Variants in TSPAN1 observed in about 807,000 individuals in gnomAD.
TSPAN1 encodes the protein tetraspanin 1.
TSPAN1 carries 23 observed loss-of-function variants against 26.9 expected under a neutral mutation model. The observed-to-expected ratio is 0.85, with a 90% confidence interval of 0.62 to 1.21. TSPAN1 has a LOEUF of 1.21. Among genes scored for constraint, TSPAN1 ranks in the 50% most tolerant of loss-of-function variants. The pLI is 0.00. For synonymous variants in TSPAN1, 115 were observed against 114.8 expected, an observed-to-expected ratio of 1.00 and a Z score of -0.01; for missense variants, 283 against 298.4, an observed-to-expected ratio of 0.95 and a Z score of 0.38.
At chr1:46,178,654 G>A (rs1657242863) in intron 1 of TSPAN1, among the ~76,000 whole-genome samples, 1 of 152,148 alleles carries the variant, frequency 6.6e-6, no homozygotes, top group South Asian at 2.1e-4. Context: ...TCAGACCAAG[G>A]CCTCTTCCCT....
rs1379275133 is a variant in TSPAN1 at position 46,185,609 on chromosome 1, G to C, written c.*76G>C. 3 of 1,524,822 alleles carry C rather than the reference G, an allele frequency of 2.0e-6. No homozygotes were observed. Among genetic ancestry groups the C allele is most frequent in the African/African-American group, 1.4e-5 (1 of 73,220 alleles). 94.5% of individuals were successfully genotyped at this position (1,524,822 alleles called of 1,614,324 possible). ...GCACCCTGGCAAGCAGCAGTGATTG[G>C]GGGAGGGGACAGGATCTAACAATGT... On this transcript the variant is annotated 3_prime_UTR_variant, in exon 9 of 9. Coordinates refer to ENST00000372003, the MANE Select transcript of TSPAN1 (RefSeq NM_005727.4).
At chr1:46,188,539 C>A, downstream of TSPAN1, 1 of 1,111,022 alleles carries the variant, frequency 9.0e-7, no homozygotes, top group South Asian at 1.8e-5. Flanking sequence ...GAGACTCAGG[C>A]ATCCCCTGGT....
At chr1:46,178,766 G>A (rs1474995298) in intron 1 of TSPAN1, among the ~76,000 whole-genome samples, 1 of 152,102 alleles carries the variant, frequency 6.6e-6, no homozygotes, top group African/African-American at 2.4e-5. Flanking sequence ...CAGACTAACT[G>A]GGATTGAATC....
chr1:46,190,420 C>T, downstream of TSPAN1: 1 of 1,527,064 alleles, frequency 6.5e-7, no homozygotes, highest in Non-Finnish European at 9.1e-7. Flanking sequence ...GGCCAAGATC[C>T]CCAGTATTTG....
downstream of TSPAN1, chr1:46,189,120 C>A: frequency 1.3e-6 from 2 of 1,492,368 alleles, no homozygotes; most frequent in Non-Finnish European, 8.9e-7. Flanking sequence ...GCAGGGGAAC[C>A]CTCCCCTTGG....
chr1:46,193,638 T>C, the TSPAN1 span: 1 of 1,614,094 alleles, frequency 6.2e-7, no homozygotes, highest in African/African-American at 1.3e-5. Flanking sequence ...GAGCGCAGCA[T>C]CCTGGGGAGC....
At chr1:46,195,336 AC>A in the TSPAN1 span, 1 of 374,358 alleles carries the variant, frequency 2.7e-6, no homozygotes, top group Non-Finnish European at 5.1e-6. Context: ...CATTCTTTCC[AC>A]CTGGAATGCT....
the TSPAN1 span, chr1:46,196,185 T>C: frequency 6.3e-7 from 1 of 1,575,334 alleles, no homozygotes; most frequent in African/African-American, 1.3e-5. This position sits in a 1 kb window ranked among gnomAD's most constrained non-coding sequence, Gnocchi z 4.4. Context: ...CTCCTGCCTA[T>C]GTTTCTGTTC....
rs1237909782 is a variant in TSPAN1, at chr1:46,185,531, T to G, written c.724T>G (p.Ter242GluextTer24). The G allele has an allele frequency of 6.2e-7, 1 of 1,614,200 alleles. No individual in the cohort carries two copies. The highest frequency in any genetic ancestry group is 8.5e-7 in the Non-Finnish European group (1 of 1,180,046). ...CATGTATCTGTACTGCAATCTACAA[T>G]AAGTCCACTTCTGCCTCTGCCACTA... ...VSMYLYCNLQ[*>E] The change falls in exon 9 of 9, where the codon TAA (stop) becomes GAA (glutamate). Residue 242 changes from the stop codon to glutamate (E), a stop_lost. Transcript: ENST00000372003.
At chr1:46,190,561 C>G, downstream of TSPAN1, 1 of 1,555,926 alleles carries the variant, frequency 6.4e-7, no homozygotes, top group Non-Finnish European at 8.9e-7. Context: ...GGCAGGCCCT[C>G]AGGTCCCATG....
chr1:46,180,768 T>TG (rs760400360), intron 2 of TSPAN1, 110 bp downstream of exon 2: 9 of 335,152 alleles, frequency 2.7e-5, no homozygotes, highest in Non-Finnish European at 2.8e-5. Context: ...GGGGTTAGTG[T>TG]GGGGGGGAGC....
chr1:46,194,521 G>A, the TSPAN1 span: 6 of 1,613,942 alleles, frequency 3.7e-6, no homozygotes, highest in Non-Finnish European at 5.1e-6. Context: ...CCCAGCCCAG[G>A]CCCTGCCCCA....
At chr1:46,189,763 T>TG (rs1281742186), downstream of TSPAN1, 1 of 1,588,578 alleles carries the variant, frequency 6.3e-7, no homozygotes, top group Non-Finnish European at 8.6e-7. Context: ...GTTCTGAGGT[T>TG]GAAGATTCCA....
At chr1:46,196,042 G>T in the TSPAN1 span, 1 of 1,614,032 alleles carries the variant, frequency 6.2e-7, no homozygotes. This position sits in a 1 kb window ranked among gnomAD's most constrained non-coding sequence, Gnocchi z 4.4. Context: ...TGACATGGAT[G>T]CCCCGGCCCT....
downstream of TSPAN1, chr1:46,189,063 C>T (rs1657534329): frequency 2.0e-6 from 3 of 1,525,770 alleles, no homozygotes; most frequent in Admixed American, 2.1e-5. Flanking sequence ...CCTTCTCCAA[C>T]AAGGAAGTAA....
intron 1 of TSPAN1, chr1:46,176,388 C>A: frequency 3.9e-6 from 6 of 1,535,754 alleles, no homozygotes; most frequent in Middle Eastern, 1.7e-4. Context: ...GAAATCGGGG[C>A]CTGGGCCAGC....
At chr1:46,189,469 A>T, downstream of TSPAN1, 2 of 1,613,710 alleles carry the variant, frequency 1.2e-6, no homozygotes, top group South Asian at 1.1e-5. Flanking sequence ...AGTAGGGGGA[A>T]GCCGGGACCC....
Position 46,185,593 on chromosome 1 carries a change from C to T in TSPAN1, c.*60C>T. 1 of 1,575,746 alleles carries T rather than the reference C, an allele frequency of 6.3e-7. No homozygotes were observed. ...TGGGAACTGTGAAGAGGCACCCTGG[C>T]AAGCAGCAGTGATTGGGGGAGGGGA... On this transcript the variant is annotated 3_prime_UTR_variant, in exon 9 of 9. Coordinates refer to ENST00000372003, the MANE Select transcript of TSPAN1 (RefSeq NM_005727.4).
chr1:46,195,023 G>T, the TSPAN1 span: 1 of 1,463,916 alleles, frequency 6.8e-7, no homozygotes, highest in South Asian at 1.1e-5. Flanking sequence ...TGGCCTCACA[G>T]AGCACGAACT....
Sources: allele counts gnomAD v4.1 joint callset (sites outside exome capture counted in the v4.1 genomes callset), GRCh38; gene constraint gnomAD v4.1.1; non-coding constraint Gnocchi (gnomAD v3.1); transcripts MANE v1.5; gene names NCBI Gene and HGNC (gene_info 2026-07-23, HGNC 2026-07-21).